AKAP9: variants seen among roughly 807,000 people sequenced by gnomAD.
AKAP9 encodes the protein A-kinase anchor protein 9.
AKAP9 carries 311 observed loss-of-function variants against 488.5 expected under a neutral mutation model. That is an observed-to-expected ratio of 0.64 (90% confidence interval 0.58 to 0.70). AKAP9 has a LOEUF of 0.70. Ranked by LOEUF, AKAP9 falls within the 30% of genes least tolerant of loss-of-function variation. The pLI, the probability that AKAP9 is intolerant of heterozygous loss-of-function variation, is 0.00. For missense variants in AKAP9, 4,215 were observed against 4,374.5 expected (o/e 0.96, Z 1.03); for synonymous variants, 1,462 against 1,483.5 (o/e 0.99, Z 0.33).
In AKAP9 at chr7:92,000,832, A is replaced by T. The variant is rs527365987; in HGVS notation, c.931-16A>T. On this transcript the variant is annotated splice_polypyrimidine_tract_variant and intron_variant, in intron 7 of 49. Transcript: ENST00000356239. ...CTAAAAATGCCATTCTTACATTTTC[A>T]TTTTTTTTCCTAAAGGAACAAGATA... 56 of 1,301,376 alleles carry T rather than the reference A, an allele frequency of 4.3e-5. 1 individual carries two copies. The South Asian group carries it at 6.2e-4, about 14-fold the overall frequency. 80.6% of individuals were successfully genotyped at this position (1,301,376 alleles called of 1,614,324 possible).
chr7:92,079,447 A>G lies in AKAP9; in HGVS notation c.7314A>G (p.Glu2438=). The change falls in exon 31 of 50, where the codon GAA becomes GAG. Residue 2438 remains glutamate (E), a synonymous_variant. Transcript: ENST00000356239. ...QELFSLKRER[E]SVEKIQSIPE... The stretch of plus-strand genomic sequence containing the variant: ...TATTCAGCTTAAAGAGAGAACGTGA[A>G]AGTGTGGAAAAGATTCAAAGCATAC... 1 of 1,614,086 alleles carries G rather than the reference A, an allele frequency of 6.2e-7. No individual in the cohort carries two copies. Among genetic ancestry groups the G allele is most frequent in the Non-Finnish European group, 8.5e-7 (1 of 1,180,006 alleles).
Position 91,941,166 on chromosome 7 carries a change from A to G in AKAP9, c.48+19A>G, listed in dbSNP as rs1225599699. On this transcript the variant is annotated intron_variant, in intron 1 of 49. Transcript: ENST00000356239. ...AGCCAAGGTAGGAGAGCCCGAGGCA[A>G]CCGGGCCTGCGGTGGGAGGCGGTGG... The G allele has an allele frequency of 2.5e-6, 4 of 1,610,622 alleles. No homozygotes were observed. Among genetic ancestry groups the G allele is most frequent in the Non-Finnish European group, 3.4e-6 (4 of 1,177,030 alleles).
chr7:92,026,452 G>A (rs955697620), intron 14 of AKAP9, among the ~76,000 whole-genome samples: 3 of 151,930 alleles, frequency 2.0e-5, no homozygotes, highest in Non-Finnish European at 2.9e-5. Context: ...CTCCTGCCTC[G>A]GCCTGCCTAG....
chr7:92,007,105 T>C (rs1226257795), intron 8 of AKAP9, among the ~76,000 whole-genome samples: 1 of 152,102 alleles, frequency 6.6e-6, no homozygotes, highest in Non-Finnish European at 1.5e-5. Flanking sequence ...AGCACAGGCC[T>C]TCATGTTAGA....
intron 1 of AKAP9, among the ~76,000 whole-genome samples, chr7:91,969,374 C>G (rs1342096099): frequency 6.6e-6 from 1 of 152,082 alleles, no homozygotes; most frequent in African/African-American, 2.4e-5. Flanking sequence ...CTGATGAAAA[C>G]AATACTCTTC....
intron 8 of AKAP9, among the ~76,000 whole-genome samples, chr7:92,007,791 A>G (rs1800122636): frequency 6.6e-6 from 1 of 152,238 alleles, no homozygotes. Flanking sequence ...TAATTGGTGT[A>G]TAGTTTATCT....
chr7:92,062,717 T>C (rs1810096734), intron 24 of AKAP9, among the ~76,000 whole-genome samples: 1 of 152,160 alleles, frequency 6.6e-6, no homozygotes, highest in Non-Finnish European at 1.5e-5. Context: ...AAAAGATAGT[T>C]CTTCATTTAT....
chr7:92,045,229 G>A lies in AKAP9; in HGVS notation c.5368+16G>A. ...CATACAAGAGGTACTAGTTTTCTGT[G>A]TTGTGGAAACAATCATTTCAACAAA... On this transcript the variant is annotated intron_variant, in intron 21 of 49. Transcript: ENST00000356239. The A allele has an allele frequency of 6.2e-7, 1 of 1,609,232 alleles. No homozygotes were observed. The highest frequency in any genetic ancestry group is 8.5e-7 in the Non-Finnish European group (1 of 1,175,790).
At chr7:91,976,420 G>A (rs1795698172) in intron 2 of AKAP9, among the ~76,000 whole-genome samples, 7 of 151,864 alleles carry the variant, frequency 4.6e-5, no homozygotes, top group Admixed American at 4.6e-4. Context: ...ACGGAGTTTT[G>A]CCATGTTGCC....
intron 7 of AKAP9, among the ~76,000 whole-genome samples, chr7:91,998,636 TCC>T (rs1366215260): frequency 3.3e-5 from 5 of 151,826 alleles, no homozygotes; most frequent in African/African-American, 1.2e-4. Flanking sequence ...AAGGCCCCAC[TCC>T]CCTATATAAA....
intron 1 of AKAP9, among the ~76,000 whole-genome samples, chr7:91,963,396 T>G (rs1292381049): frequency 6.6e-6 from 1 of 151,894 alleles, no homozygotes; most frequent in Non-Finnish European, 1.5e-5. Flanking sequence ...CTTTATTAAG[T>G]AAATAGTACA....
rs1176619600 is a variant in AKAP9, at chr7:91,977,282, C to T, written c.307-3007C>T. Among the ~76,000 whole-genome samples the T allele has an allele frequency of 4.0e-5, 6 of 151,620 alleles. No individual in the cohort carries two copies. In the East Asian group the frequency reaches 7.8e-4, roughly 20 times the overall value. On this transcript the variant is annotated intron_variant, in intron 2 of 49. Coordinates refer to ENST00000356239, the MANE Select transcript of AKAP9 (RefSeq NM_005751.5). ...CTCAAAAAACAACACAAGGGCCGGGCGCGGTGGCTCATGCCTGTAATCCCA... is the reference window on the plus strand; with the variant it reads ...CTCAAAAAACAACACAAGGGCCGGGTGCGGTGGCTCATGCCTGTAATCCCA...
At chr7:92,068,975 C>T (rs10243126) in intron 26 of AKAP9, among the ~76,000 whole-genome samples, 4 of 152,096 alleles carry the variant, frequency 2.6e-5, no homozygotes, top group African/African-American at 7.2e-5. Context: ...ACTAATCCTT[C>T]CTGTCACAGA....
At chr7:91,965,752 T>A (rs943097420) in intron 1 of AKAP9, among the ~76,000 whole-genome samples, 5 of 152,230 alleles carry the variant, frequency 3.3e-5, no homozygotes, top group Non-Finnish European at 4.4e-5. Context: ...TATATCGTGG[T>A]GGTTTTGATT....
At chr7:92,089,098 C>G (rs750461344) in intron 37 of AKAP9, among the ~76,000 whole-genome samples, 7 of 152,004 alleles carry the variant, frequency 4.6e-5, no homozygotes, top group Non-Finnish European at 1.0e-4. Flanking sequence ...TGAATAGGCT[C>G]TGTATATCAC....
intron 7 of AKAP9, 100 bp downstream of exon 7, chr7:91,995,900 AT>A: frequency 1.2e-6 from 1 of 815,370 alleles, no homozygotes; most frequent in Non-Finnish European, 1.9e-6. Context: ...GAATCACAAA[AT>A]TTCATAATTA....
At chr7:92,020,824 A>G (rs577613326) in intron 12 of AKAP9, among the ~76,000 whole-genome samples, 1 of 152,342 alleles carries the variant, frequency 6.6e-6, no homozygotes, top group Non-Finnish European at 1.5e-5. Context: ...CTCTGTTGAA[A>G]TTACTCATGG....
intron 2 of AKAP9, among the ~76,000 whole-genome samples, chr7:91,975,906 G>GTTT (rs1212196433): frequency 7.5e-5 from 8 of 106,574 alleles, no homozygotes; most frequent in South Asian, 2.8e-4. Context: ...TTATTGGTTT[G>GTTT]TTTTTTGTTT....
chr7:92,059,486 T>C (rs562970214), intron 22 of AKAP9, among the ~76,000 whole-genome samples: 183 of 151,994 alleles, frequency 1.2e-3, no homozygotes, highest in African/African-American at 4.2e-3. Context: ...TGTGGTTTTA[T>C]GATAAATATT....
Sources: allele counts gnomAD v4.1 joint callset (sites outside exome capture counted in the v4.1 genomes callset), GRCh38; gene constraint gnomAD v4.1.1; transcripts MANE v1.5; gene names NCBI Gene and HGNC (gene_info 2026-07-23, HGNC 2026-07-21).